The following KIAA1217 variants were observed in gnomAD, a reference collection of about 807,000 sequenced individuals.
The protein encoded by KIAA1217 is sickle tail protein homolog.
Under a neutral mutation model 163.9 loss-of-function variants are expected in KIAA1217, and 88 were observed. The observed-to-expected ratio is 0.54, with a 90% CI of 0.45 to 0.64. The LOEUF (loss-of-function observed/expected upper bound fraction) is 0.64. Among genes scored for constraint, KIAA1217 ranks in the 30% least tolerant of loss-of-function variants. The pLI, the probability that KIAA1217 is intolerant of heterozygous loss-of-function variation, is 0.00. For synonymous variants in KIAA1217, 903 were observed against 923.1 expected (o/e 0.98, Z 0.39); for missense variants, 2,372 against 2,475.0 (o/e 0.96, Z 0.88).
At chr10:24,057,656 A>G (rs761748024) in intron 2 of KIAA1217, among the ~76,000 whole-genome samples, 12 of 152,206 alleles carry the variant, frequency 7.9e-5, no homozygotes, top group Non-Finnish European at 1.3e-4. Context: ...GATGCTGACC[A>G]TCTTTTAATA....
At position 24,242,848 on chromosome 10, in the gene KIAA1217, G is replaced by T. The variant is rs151082563; in HGVS notation, c.354+22939G>T. 1.8e-4 allele frequency among the ~76,000 whole-genome samples: 27 copies of T among 152,286 alleles called. No homozygotes were observed. In the East Asian group the frequency reaches 5.0e-3, roughly 28 times the overall value. On this transcript the variant is annotated intron_variant, in intron 2 of 20. Transcript: ENST00000376454. Reference sequence around the variant, plus strand: ...TATCTCTGATGATTAGTGACGTGGAGCATTTTTTCATATGTTTGTTGGCTT... The same window carrying T: ...TATCTCTGATGATTAGTGACGTGGATCATTTTTTCATATGTTTGTTGGCTT...
chr10:23,939,077 A>G (rs1031592796), intron 1 of KIAA1217, among the ~76,000 whole-genome samples: 1 of 152,208 alleles, frequency 6.6e-6, no homozygotes, highest in African/African-American at 2.4e-5. Context: ...TAAGTTAAAT[A>G]CTGTAAGCCC....
chr10:24,423,349 A>G lies in KIAA1217; in HGVS notation c.554-9646A>G, dbSNP rs568177112. On this transcript the variant is annotated intron_variant, in intron 3 of 20. Transcript: ENST00000376454. ...GCCCAGGCTGGAGTGCAGTGGCACA[A>G]TCTCGGCTCATTGCAGCCACTGCCT... 5.3e-5 allele frequency among the ~76,000 whole-genome samples: 8 copies of G among 152,214 alleles called. No individual in the cohort carries two copies. The South Asian group carries it at 6.2e-4, about 12-fold the overall frequency.
Position 23,809,043 on chromosome 10 carries a change from G to GAAT in KIAA1217, c.-321+113811_-321+113813dup, listed in dbSNP as rs1836866614. On this transcript the variant is annotated intron_variant, in intron 1 of 18. Transcript: ENST00000376462. Reference sequence around the variant, plus strand: ...ACAGAGGAAAATAATTGTCATTGTAGAATACTATACCTAGGATAAAATAAA... The same window carrying GAAT: ...ACAGAGGAAAATAATTGTCATTGTAGAATAATACTATACCTAGGATAAAATAAA... 2.0e-5 allele frequency among the ~76,000 whole-genome samples: 3 copies of GAAT among 152,098 alleles called. No individual in the cohort carries two copies. In the East Asian group the frequency reaches 5.8e-4, roughly 29 times the overall value.
intron 2 of KIAA1217, among the ~76,000 whole-genome samples, chr10:24,243,667 TATGA>T (rs1171447526): frequency 1.3e-5 from 2 of 151,606 alleles, no homozygotes; most frequent in Non-Finnish European, 2.9e-5. Flanking sequence ...TATACACATC[TATGA>T]ATGTGTAGAA....
intron 2 of KIAA1217, among the ~76,000 whole-genome samples, chr10:24,096,971 TTAAGG>T (rs1167986018): frequency 6.6e-6 from 1 of 152,110 alleles, no homozygotes; most frequent in Non-Finnish European, 1.5e-5. Flanking sequence ...GAAAAACAAG[TTAAGG>T]TAATCAGCTG....
At chr10:23,873,376 A>T (rs1225283497) in intron 1 of KIAA1217, among the ~76,000 whole-genome samples, 1 of 152,048 alleles carries the variant, frequency 6.6e-6, no homozygotes, top group Non-Finnish European at 1.5e-5. Flanking sequence ...TCTTAAAGAA[A>T]TGTGATTTAT....
chr10:23,757,380 C>A (rs1037814728), intron 1 of KIAA1217, among the ~76,000 whole-genome samples: 1 of 152,094 alleles, frequency 6.6e-6, no homozygotes, highest in African/African-American at 2.4e-5. Flanking sequence ...CCACTAACAC[C>A]GGTCATTTTT....
In KIAA1217 at chr10:24,116,478, C is replaced by T. The variant is rs933269270; in HGVS notation, c.-170-103148C>T. Among the ~76,000 whole-genome samples the T allele has an allele frequency of 5.3e-5, 8 of 152,166 alleles. No individual in the cohort carries two copies. The East Asian group carries it at 1.6e-3, about 30-fold the overall frequency. The stretch of plus-strand genomic sequence containing the variant: ...CAATATGGCAACAGAGACTGCATGG[C>T]CTGCAAAGCCTAAAATATTTGCTAT... On this transcript the variant is annotated intron_variant, in intron 2 of 18. Transcript: ENST00000376462.
intron 2 of KIAA1217, among the ~76,000 whole-genome samples, chr10:24,059,981 CT>C (rs1206631976): frequency 1.3e-5 from 2 of 152,192 alleles, no homozygotes; most frequent in East Asian, 3.9e-4. Context: ...CTCTTACAAT[CT>C]ATTCATAGTA....
chr10:23,904,205 C>G (rs1165985595), intron 1 of KIAA1217, among the ~76,000 whole-genome samples: 5 of 152,116 alleles, frequency 3.3e-5, no homozygotes, highest in Non-Finnish European at 7.4e-5. Context: ...GAAAGTATTG[C>G]ATATGCATTG....
chr10:23,821,344 A>G (rs1461120943), intron 1 of KIAA1217, among the ~76,000 whole-genome samples: 1 of 152,156 alleles, frequency 6.6e-6, no homozygotes, highest in Non-Finnish European at 1.5e-5. Flanking sequence ...GGTCACAGGA[A>G]TACAGCACAA....
intron 12 of KIAA1217, among the ~76,000 whole-genome samples, chr10:24,522,747 C>T (rs1056200662): frequency 2.2e-4 from 33 of 152,206 alleles, no homozygotes; most frequent in African/African-American, 5.8e-4. Context: ...CTGTCATCCC[C>T]GCACTTTGGG....
intron 2 of KIAA1217, among the ~76,000 whole-genome samples, chr10:24,124,941 T>A (rs2063413171): frequency 6.6e-6 from 1 of 152,196 alleles, no homozygotes; most frequent in South Asian, 2.1e-4. Context: ...TCTATGAGAC[T>A]GTTTTTACAG....
intron 2 of KIAA1217, among the ~76,000 whole-genome samples, chr10:24,247,349 A>G (rs2073941981): frequency 6.6e-6 from 1 of 151,344 alleles, no homozygotes; most frequent in African/African-American, 2.4e-5. Flanking sequence ...CTGGTCTCGA[A>G]CTCCTCCTGG....
At chr10:24,147,232 A>G (rs2131848215) in intron 2 of KIAA1217, among the ~76,000 whole-genome samples, 1 of 152,268 alleles carries the variant, frequency 6.6e-6, no homozygotes. Flanking sequence ...TTTTCTTTTG[A>G]CAGTTTGAAA....
Position 24,521,790 on chromosome 10 carries a change from C to T in KIAA1217, c.2317C>T (p.Pro773Ser). The T allele has an allele frequency of 6.2e-7, 1 of 1,612,372 alleles. No homozygotes were observed. The highest frequency in any genetic ancestry group is 8.5e-7 in the Non-Finnish European group (1 of 1,179,652). Residue 773 changes from proline to serine, a missense_variant, in exon 12 of 21, where the codon CCA becomes TCA. Around this residue, in one of 3 missense-constraint regions of KIAA1217, gnomAD observed 1,431 missense variants for 1,470.3 expected, o/e 0.97. Coordinates refer to ENST00000376454, the MANE Select transcript of KIAA1217 (RefSeq NM_019590.5). ...CTGGTTTGGGCCTGCAGGAGAATTT[C>T]CAACCTTACAAAACAAGATGCGAGC... ...EAVATLKGEF[P>S]TLQNKMRAIL...
chr10:24,220,817 G>A (rs1351686462), intron 2 of KIAA1217, among the ~76,000 whole-genome samples: 1 of 141,296 alleles, frequency 7.1e-6, no homozygotes, highest in Non-Finnish European at 1.5e-5. Flanking sequence ...CTGGAGTGCA[G>A]TAGTGCCATC....
intron 2 of KIAA1217, among the ~76,000 whole-genome samples, chr10:24,064,882 G>A (rs2060877316): frequency 6.6e-6 from 1 of 152,152 alleles, no homozygotes; most frequent in Non-Finnish European, 1.5e-5. Context: ...GACTGTATGT[G>A]TCGAGGAATT....
Sources: allele counts gnomAD v4.1 joint callset (sites outside exome capture counted in the v4.1 genomes callset), GRCh38; gene constraint gnomAD v4.1.1; regional missense constraint gnomAD v4.1.1; transcripts MANE v1.5; gene names NCBI Gene and HGNC (gene_info 2026-07-23, HGNC 2026-07-21).